The following WASL variants were observed in gnomAD, a reference collection of about 807,000 sequenced individuals.
WASL encodes actin nucleation-promoting factor WASL.
WASL carries 20 observed loss-of-function variants against 55.5 expected under a neutral mutation model. The observed-to-expected ratio is 0.36, with a 90% CI of 0.25 to 0.52. WASL has a LOEUF of 0.52. WASL is among the 20% of genes least tolerant of loss of function. WASL has a pLI of 0.92. For missense variants in WASL, 504 were observed against 622.5 expected (o/e 0.81, Z 2.03); for synonymous variants, 249 against 217.6 (o/e 1.14, Z -1.27).
intron 1 of WASL, among the ~76,000 whole-genome samples, chr7:123,713,840 G>A (rs765873336): frequency 1.3e-5 from 2 of 152,176 alleles, no homozygotes; most frequent in Admixed American, 6.5e-5. Flanking sequence ...ATATCGCAGG[G>A]TTCTGCATCC....
chr7:123,725,712 C>T (rs1449636417), intron 1 of WASL, among the ~76,000 whole-genome samples: 2 of 152,072 alleles, frequency 1.3e-5, no homozygotes, highest in Non-Finnish European at 2.9e-5. Context: ...TAGTAACTTG[C>T]CCGTTGTCAC....
intron 5 of WASL, 21 bp from the exon 6 acceptor site, chr7:123,696,768 T>C: frequency 6.9e-7 from 1 of 1,452,272 alleles, no homozygotes; most frequent in Non-Finnish European, 9.1e-7. Flanking sequence ...AACCAAATTA[T>C]ATAAAAGGGA....
intron 1 of WASL, among the ~76,000 whole-genome samples, chr7:123,720,004 C>A (rs764139441): frequency 2.6e-5 from 4 of 152,262 alleles, no homozygotes; most frequent in Non-Finnish European, 5.9e-5. Context: ...TAGGTCTTCT[C>A]AGCAGACTGT....
At chr7:123,740,468 T>C (rs1411760274) in intron 1 of WASL, among the ~76,000 whole-genome samples, 1 of 152,196 alleles carries the variant, frequency 6.6e-6, no homozygotes, top group Admixed American at 6.5e-5. Flanking sequence ...TATTTTGTAT[T>C]ACACTATATT....
intron 1 of WASL, among the ~76,000 whole-genome samples, chr7:123,730,983 T>C (rs1293062583): frequency 3.3e-5 from 5 of 152,138 alleles, no homozygotes; most frequent in Non-Finnish European, 5.9e-5. Flanking sequence ...TGGGTGTCTG[T>C]TGTTGTCTTG....
At chr7:123,741,698 A>G (rs557641259) in intron 1 of WASL, among the ~76,000 whole-genome samples, 1 of 152,228 alleles carries the variant, frequency 6.6e-6, no homozygotes, top group Non-Finnish European at 1.5e-5. Context: ...AGTGAAATAC[A>G]TGAGATTACT....
chr7:123,744,330 G>A (rs1804394610), intron 1 of WASL, among the ~76,000 whole-genome samples: 1 of 152,148 alleles, frequency 6.6e-6, no homozygotes, highest in African/African-American at 2.4e-5. Context: ...AAGAAACGCA[G>A]AATGAGCTCC....
chr7:123,717,257 A>C (rs1287879995), intron 1 of WASL, among the ~76,000 whole-genome samples: 3 of 152,188 alleles, frequency 2.0e-5, no homozygotes, highest in Non-Finnish European at 4.4e-5. Context: ...CCTGGGGAAA[A>C]GAGGTGAACT....
chr7:123,721,412 T>TAAAG (rs937281633), intron 1 of WASL, among the ~76,000 whole-genome samples: 10 of 152,082 alleles, frequency 6.6e-5, no homozygotes, highest in African/African-American at 2.4e-4. Flanking sequence ...AGGCATAAGG[T>TAAAG]AAAGGTAAGG....
At chr7:123,704,528 T>A (rs959723395) in intron 5 of WASL, 106 bp downstream of exon 5, 3 of 876,348 alleles carry the variant, frequency 3.4e-6, no homozygotes, top group Non-Finnish European at 5.2e-6. Flanking sequence ...CCACAAGGAT[T>A]AACATGTAAA....
chr7:123,723,855 C>T (rs1239574954), intron 1 of WASL, among the ~76,000 whole-genome samples: 1 of 152,084 alleles, frequency 6.6e-6, no homozygotes, highest in East Asian at 1.9e-4. Context: ...TTTGGTTGAG[C>T]CAGCCAGAAT....
chr7:123,748,498 G>C, intron 1 of WASL, 120 bp downstream of exon 1: 1 of 1,031,244 alleles, frequency 9.7e-7, no homozygotes, highest in Non-Finnish European at 1.4e-6. Flanking sequence ...CCGGGGCCGG[G>C]GCTGGCGGGA....
chr7:123,692,742 G>A lies in WASL; in HGVS notation c.952C>T (p.Pro318Ser), dbSNP rs1234266682. ...GGCGGTGGTGGAGGTGCAGCTGTGGGAGCTCTTGAAGGTGGTGGGGGAGGA... is the reference window on the plus strand; with the variant it reads ...GGCGGTGGTGGAGGTGCAGCTGTGGAAGCTCTTGAAGGTGGTGGGGGAGGA... ...GAPPPPPSRA[P>S]TAAPPPPPPS... Residue 318 changes from proline to serine, a missense_variant, in exon 9 of 11, where the codon CCC (proline) becomes TCC (serine). Around this residue, in one of 5 missense-constraint regions of WASL, gnomAD observed 201 missense variants for 206.2 expected, o/e 0.97. Transcript: ENST00000223023. The A allele has an allele frequency of 6.6e-7, 1 of 1,509,962 alleles. No homozygotes were observed. Among genetic ancestry groups the A allele is most frequent in the Admixed American group, 2.3e-5 (1 of 43,068 alleles). The allele number at this position is 1,509,962 out of a possible 1,614,324, so 93.5% of individuals were successfully genotyped here. A position where few individuals can be genotyped will look rare whatever the true frequency, so the allele number is the denominator to read the frequency against.
intron 1 of WASL, among the ~76,000 whole-genome samples, chr7:123,713,003 G>A (rs1368200549): frequency 6.6e-6 from 1 of 152,060 alleles, no homozygotes; most frequent in Non-Finnish European, 1.5e-5. Context: ...AAAATACTAG[G>A]AGTCACAGGG....
intron 1 of WASL, among the ~76,000 whole-genome samples, chr7:123,739,101 T>G (rs1180463760): frequency 6.6e-6 from 1 of 152,240 alleles, no homozygotes; most frequent in Non-Finnish European, 1.5e-5. Flanking sequence ...TCCTTATTTC[T>G]ATTATGAATA....
At chr7:123,732,605 T>C (rs1804158400) in intron 1 of WASL, among the ~76,000 whole-genome samples, 1 of 152,188 alleles carries the variant, frequency 6.6e-6, no homozygotes, top group Non-Finnish European at 1.5e-5. Context: ...GTTTCACTGG[T>C]GAATTATCCT....
intron 1 of WASL, among the ~76,000 whole-genome samples, chr7:123,730,336 T>G (rs1804116396): frequency 6.6e-6 from 1 of 152,152 alleles, no homozygotes; most frequent in South Asian, 2.1e-4. Context: ...AGAAAATAGT[T>G]TGATTAAAAT....
intron 5 of WASL, among the ~76,000 whole-genome samples, chr7:123,702,573 T>C (rs915855648): frequency 1.3e-5 from 2 of 152,206 alleles, no homozygotes; most frequent in South Asian, 2.1e-4. Context: ...AAAATAAAAA[T>C]GGATGGGTCC....
intron 8 of WASL, among the ~76,000 whole-genome samples, chr7:123,693,248 ACCTT>A (rs1456409404): frequency 6.6e-6 from 1 of 152,230 alleles, no homozygotes; most frequent in Non-Finnish European, 1.5e-5. Context: ...AAAAATAAAT[ACCTT>A]CCCTCTTTAA....
Sources: allele counts gnomAD v4.1 joint callset (sites outside exome capture counted in the v4.1 genomes callset), GRCh38; gene constraint gnomAD v4.1.1; regional missense constraint gnomAD v4.1.1; transcripts MANE v1.5; gene names NCBI Gene and HGNC (gene_info 2026-07-23, HGNC 2026-07-21).